The following PPDPFL variants were observed in gnomAD, a reference collection of about 807,000 sequenced individuals.
PPDPFL encodes pancreatic progenitor cell differentiation and proliferation factor-like protein.
A neutral mutation model predicts 12.6 loss-of-function variants in PPDPFL; 12 were observed. That is an observed-to-expected ratio of 0.95 (90% CI 0.61 to 1.54). The LOEUF (loss-of-function observed/expected upper bound fraction) is 1.54, where lower values mean the gene tolerates loss of function less well. PPDPFL is among the 40% of genes most tolerant of loss of function. The pLI is 0.00. For missense variants in PPDPFL, 114 were observed against 96.0 expected, an observed-to-expected ratio of 1.19 and a Z score of -0.78; for synonymous variants, 24 against 32.7, an observed-to-expected ratio of 0.73 and a Z score of 0.91.
At chr8:49,072,014 C>A (rs866730664), upstream of PPDPFL, among the ~76,000 whole-genome samples, 22 of 152,318 alleles carry the variant, frequency 1.4e-4, 1 homozygote, top group East Asian at 2.9e-3. Flanking sequence ...ACGTGCCCAG[C>A]GTGGTGCTGC....
At chr8:49,075,099 C>G (rs1808469490) in intron 4 of PPDPFL, 53 bp from the exon 5 acceptor site, 1 of 1,597,804 alleles carries the variant, frequency 6.3e-7, no homozygotes, top group Non-Finnish European at 8.5e-7. Context: ...ATTATCTGGA[C>G]AGTGTTTCAT....
chr8:49,059,849 GA>G (rs1326346877), intron 1 of PPDPFL, among the ~76,000 whole-genome samples: 2 of 152,152 alleles, frequency 1.3e-5, no homozygotes, highest in Non-Finnish European at 2.9e-5. Context: ...AACAGCTTGA[GA>G]AAATTTAGCC....
chr8:49,055,011 A>G (rs1470163472), intron 1 of PPDPFL, among the ~76,000 whole-genome samples: 3 of 152,118 alleles, frequency 2.0e-5, no homozygotes, highest in Non-Finnish European at 4.4e-5. Flanking sequence ...GAGCTCCATG[A>G]TGCTTCAGAA....
upstream of PPDPFL, among the ~76,000 whole-genome samples, chr8:49,069,779 A>C (rs761628635): frequency 6.6e-6 from 1 of 152,186 alleles, no homozygotes; most frequent in Non-Finnish European, 1.5e-5. Flanking sequence ...TGCTAAAAAT[A>C]CAAAAATTAG....
intron 4 of PPDPFL, chr8:49,074,622 G>A (rs1314743968): frequency 6.5e-7 from 1 of 1,534,782 alleles, no homozygotes; most frequent in Admixed American, 2.0e-5. Context: ...GAGAATCAGA[G>A]GAAAGGGTCT....
rs549388743 is a variant in PPDPFL at position 49,066,133 on chromosome 8, C to T, written c.-44-6654C>T. On this transcript the variant is annotated intron_variant, in intron 1 of 4. Coordinates refer to the PPDPFL transcript ENST00000517663. ...CGCATTTCTCACAGTTCACTGGCCC[C>T]GACATATTCCCTGTTGCAAGGGAGG... 7.2e-4 allele frequency among the ~76,000 whole-genome samples: 109 copies of T among 152,324 alleles called. 2 individuals are homozygous for T. The highest frequency in any genetic ancestry group is 6.6e-3 in the Admixed American group (101 of 15,308).
At chr8:49,071,274 C>G (rs529585694), upstream of PPDPFL, among the ~76,000 whole-genome samples, 1 of 152,308 alleles carries the variant, frequency 6.6e-6, no homozygotes, top group Admixed American at 6.5e-5. Flanking sequence ...CAACCAATAG[C>G]CACTGAACAA....
chr8:49,056,213 T>G (rs754359868), intron 1 of PPDPFL, among the ~76,000 whole-genome samples: 80 of 152,170 alleles, frequency 5.3e-4, no homozygotes, highest in Non-Finnish European at 1.0e-3. Context: ...CCTCTCCCTG[T>G]CTCACTTGCT....
At chr8:49,063,065 C>G (rs2129244193) in intron 1 of PPDPFL, among the ~76,000 whole-genome samples, 1 of 152,272 alleles carries the variant, frequency 6.6e-6, no homozygotes, top group East Asian at 1.9e-4. Context: ...ACTTCTCAAA[C>G]AAAAGAACTA....
chr8:49,061,358 C>T (rs1253539319), intron 1 of PPDPFL, among the ~76,000 whole-genome samples: 1 of 152,116 alleles, frequency 6.6e-6, no homozygotes, highest in African/African-American at 2.4e-5. Context: ...AAGAAACCAA[C>T]CCTGTGGACA....
chr8:49,059,691 G>C (rs1277515856), intron 1 of PPDPFL, among the ~76,000 whole-genome samples: 1 of 152,174 alleles, frequency 6.6e-6, no homozygotes, highest in East Asian at 1.9e-4. Context: ...TTAGAAAATT[G>C]TCTATGATTA....
chr8:49,074,055 A>G lies in PPDPFL; in HGVS notation c.56-4A>G, dbSNP rs755090788. The G allele has an allele frequency of 7.5e-6, 12 of 1,603,126 alleles. No homozygotes were observed. Among genetic ancestry groups the G allele is most frequent in the African/African-American group, 1.3e-5 (1 of 74,780 alleles). On this transcript the variant is annotated splice_polypyrimidine_tract_variant and splice_region_variant and intron_variant, in intron 2 of 4. Coordinates refer to ENST00000522267, the MANE Select transcript of PPDPFL (RefSeq NM_001256597.2). Reference sequence around the variant, plus strand: ...ATTTGTTTAATATCATTTGTTTCCTACAGAGTCCAGTGTTTCTTCAGTTAG... The same window carrying G: ...ATTTGTTTAATATCATTTGTTTCCTGCAGAGTCCAGTGTTTCTTCAGTTAG...
chr8:49,058,567 G>C (rs1290101728), intron 1 of PPDPFL, among the ~76,000 whole-genome samples: 1 of 152,230 alleles, frequency 6.6e-6, no homozygotes, highest in African/African-American at 2.4e-5. Flanking sequence ...AATGCATTCT[G>C]AATGCTAATA....
intron 1 of PPDPFL, among the ~76,000 whole-genome samples, chr8:49,055,689 A>G (rs1808101519): frequency 1.3e-5 from 2 of 151,992 alleles, no homozygotes; most frequent in African/African-American, 4.8e-5. Flanking sequence ...TTTCATCTCC[A>G]TTTGATTGTT....
At chr8:49,067,971 TA>T (rs1808325675), upstream of PPDPFL, among the ~76,000 whole-genome samples, 4 of 152,198 alleles carry the variant, frequency 2.6e-5, no homozygotes, top group Admixed American at 2.6e-4. Flanking sequence ...AGTACTTGGA[TA>T]TTTAAAAAAA....
intron 4 of PPDPFL, chr8:49,074,823 G>T: frequency 7.1e-7 from 1 of 1,414,826 alleles, no homozygotes; most frequent in Non-Finnish European, 9.2e-7. Context: ...TAGCACAGTT[G>T]TAATTTAATA....
At chr8:49,062,281 C>A (rs960861195) in intron 1 of PPDPFL, among the ~76,000 whole-genome samples, 1 of 152,100 alleles carries the variant, frequency 6.6e-6, no homozygotes, top group African/African-American at 2.4e-5. Flanking sequence ...CATCTAACAC[C>A]CTGGCAAGGG....
intron 1 of PPDPFL, among the ~76,000 whole-genome samples, chr8:49,057,518 T>C (rs528948882): frequency 2.0e-5 from 3 of 152,160 alleles, no homozygotes; most frequent in Non-Finnish European, 4.4e-5. Flanking sequence ...ATTGATAGCA[T>C]AAAGCACTGC....
intron 1 of PPDPFL, among the ~76,000 whole-genome samples, chr8:49,057,928 T>G (rs1207580845): frequency 6.6e-6 from 1 of 152,188 alleles, no homozygotes; most frequent in South Asian, 2.1e-4. Context: ...AATTTAAAGC[T>G]TCCTATATAT....
Sources: gnomAD v4.1 joint callset for allele counts (sites outside exome capture counted in the v4.1 genomes callset) on GRCh38, gnomAD v4.1.1 for gene constraint, MANE v1.5 for transcripts, NCBI Gene and HGNC (gene_info 2026-07-23, HGNC 2026-07-21) for gene names.